The following ATP8B4 variants were observed in gnomAD, a reference collection of about 807,000 sequenced individuals.
ATP8B4 encodes the protein probable phospholipid-transporting ATPase IM.
ATP8B4 carries 133 observed loss-of-function variants against 145.6 expected under a neutral mutation model. That is an observed-to-expected ratio of 0.91 (90% CI 0.79 to 1.05). The LOEUF is 1.05. Among genes scored for constraint, ATP8B4 ranks in the 50% least tolerant of loss-of-function variants. The pLI is 0.00. For missense variants in ATP8B4, 1,458 were observed against 1,425.2 expected (o/e 1.02, Z -0.37); for synonymous variants, 507 against 492.9 (o/e 1.03, Z -0.38).
At chr15:49,988,481 A>C (rs2046809580) in intron 9 of ATP8B4, among the ~76,000 whole-genome samples, 1 of 152,120 alleles carries the variant, frequency 6.6e-6, no homozygotes, top group Non-Finnish European at 1.5e-5. Context: ...GAGAGGGGAG[A>C]TATGAAAAAG....
At position 50,145,651 on chromosome 15, in the gene ATP8B4, C is replaced by T. The variant is rs142079837; in HGVS notation, c.-43+36610G>A. ...ATTAGGCCCCCTACTCTCTTCACCG[C>T]CACTCTCACCATGTCTTTTTTTCTT... On this transcript the variant is annotated intron_variant, in intron 1 of 3. Coordinates refer to the ATP8B4 transcript ENST00000558829. Among the ~76,000 whole-genome samples the T allele has an allele frequency of 5.3e-5, 8 of 152,244 alleles. 1 individual carries two copies. Among genetic ancestry groups the T allele is most frequent in the African/African-American group, 1.9e-4 (8 of 41,526 alleles).
At chr15:49,964,691 G>A (rs8029348) in intron 13 of ATP8B4, among the ~76,000 whole-genome samples, 9,117 of 152,118 alleles carry the variant, frequency 0.06, 940 homozygotes, top group African/African-American at 0.21. Context: ...TGCATTTCAC[G>A]AGAGGAATTA....
chr15:50,078,177 C>T (rs990724052), intron 2 of ATP8B4, among the ~76,000 whole-genome samples: 1 of 151,302 alleles, frequency 6.6e-6, no homozygotes, highest in African/African-American at 2.4e-5. Flanking sequence ...TTTAGAGATG[C>T]TCTTTTTTTT....
At chr15:50,079,291 G>C (rs2153639998) in intron 2 of ATP8B4, among the ~76,000 whole-genome samples, 1 of 152,252 alleles carries the variant, frequency 6.6e-6, no homozygotes, top group East Asian at 1.9e-4. Flanking sequence ...AATGTTTAAA[G>C]TACAGTAGGG....
rs1394117373 is a variant in ATP8B4 at position 49,860,027 on chromosome 15, G to A, written c.*167C>T. ...ACCCTCTGGCCTGGTTTTCCATAGC[G>A]CACACTCCTGTTTGATGGGCACTGG... On this transcript the variant is annotated 3_prime_UTR_variant, in exon 28 of 28. Coordinates refer to ENST00000284509, the MANE Select transcript of ATP8B4 (RefSeq NM_024837.4). 1.9e-5 allele frequency: 15 copies of A among 777,038 alleles called. No individual in the cohort carries two copies. The highest frequency in any genetic ancestry group is 3.0e-5 in the Non-Finnish European group (15 of 497,796). The allele number at this position is 777,038 out of a possible 1,614,324, so 48.1% of individuals were successfully genotyped here.
intron 20 of ATP8B4, among the ~76,000 whole-genome samples, chr15:49,902,610 A>T (rs1160557949): frequency 6.6e-6 from 1 of 152,208 alleles, no homozygotes; most frequent in Non-Finnish European, 1.5e-5. Context: ...ATAAAGTCAG[A>T]GTGCTATGTG....
At chr15:50,139,553 T>C (rs545947749) in intron 1 of ATP8B4, among the ~76,000 whole-genome samples, 2 of 152,078 alleles carry the variant, frequency 1.3e-5, no homozygotes, top group South Asian at 2.1e-4. Flanking sequence ...TGTATACCTA[T>C]GCAACAAACC....
chr15:50,051,186 T>G (rs2052160200), intron 3 of ATP8B4, among the ~76,000 whole-genome samples: 1 of 152,168 alleles, frequency 6.6e-6, no homozygotes, highest in Non-Finnish European at 1.5e-5. Flanking sequence ...GATCTGACCA[T>G]TTTATAAGGG....
At chr15:50,011,896 A>T (rs370537394) in intron 6 of ATP8B4, among the ~76,000 whole-genome samples, 20 of 107,848 alleles carry the variant, frequency 1.9e-4, no homozygotes, top group African/African-American at 6.4e-4. Context: ...ATTGTACTTT[A>T]AAAAAAATAA....
chr15:49,922,560 A>G (rs73396973), intron 17 of ATP8B4, among the ~76,000 whole-genome samples: 2,595 of 152,280 alleles, frequency 0.017, 74 homozygotes, highest in African/African-American at 0.06. Flanking sequence ...GATTCAGGGA[A>G]TGTTTTGCAT....
chr15:49,862,265 A>G lies in ATP8B4; in HGVS notation c.3277T>C (p.Tyr1093His). ...VAFRFLKVDL[Y>H]PTLSDQIRRW... is the part of the protein sequence containing the mutation. The stretch of plus-strand genomic sequence containing the variant: ...CATACCTGATCACTCAGGGTTGGGT[A>G]TAAATCCACCTTCAAAAATCTGAAT... The change falls in exon 27 of 28, where the codon TAC becomes CAC. Residue 1093 changes from tyrosine (Y) to histidine (H), a missense_variant. Tyr to His is a moderately conservative substitution (Grantham distance 83). Transcript: ENST00000284509. 1.2e-6 allele frequency: 2 copies of G among 1,613,610 alleles called. No homozygotes were observed. The highest frequency in any genetic ancestry group is 1.7e-4 in the Middle Eastern group (1 of 6,056).
intron 2 of ATP8B4, among the ~76,000 whole-genome samples, chr15:50,099,274 T>G (rs1357390105): frequency 6.6e-6 from 1 of 152,126 alleles, no homozygotes; most frequent in Non-Finnish European, 1.5e-5. Flanking sequence ...TGTACAATTT[T>G]TTTTCTTTTC....
intron 11 of ATP8B4, 30 bp from the exon 12 acceptor site, chr15:49,979,843 T>A: frequency 1.4e-6 from 2 of 1,442,398 alleles, no homozygotes; most frequent in African/African-American, 1.4e-5. Flanking sequence ...TGGTTAAGGT[T>A]AACTTGAACT....
chr15:49,951,731 C>A (rs2043122873), intron 14 of ATP8B4, among the ~76,000 whole-genome samples: 1 of 152,132 alleles, frequency 6.6e-6, no homozygotes, highest in African/African-American at 2.4e-5. Context: ...TTGATCCTGT[C>A]ATCATGATGC....
intron 13 of ATP8B4, among the ~76,000 whole-genome samples, chr15:49,964,837 T>C (rs772052078): frequency 1.2e-4 from 19 of 152,182 alleles, no homozygotes; most frequent in Admixed American, 2.6e-4. Flanking sequence ...ACATGTCTGA[T>C]AAGTCCTTTA....
At chr15:50,055,490 A>G (rs963228818) in intron 3 of ATP8B4, among the ~76,000 whole-genome samples, 3 of 152,206 alleles carry the variant, frequency 2.0e-5, no homozygotes, top group Non-Finnish European at 4.4e-5. Context: ...GCCTACGTCT[A>G]TGAATCCCAC....
intron 1 of ATP8B4, among the ~76,000 whole-genome samples, chr15:50,146,014 C>CTTTTTTT (rs10624735): frequency 7.5e-6 from 1 of 133,466 alleles, no homozygotes; most frequent in African/African-American, 2.8e-5. Flanking sequence ...TAAATGTTTA[C>CTTTTTTT]TTTTTTTTTT....
rs554198361 is a variant in ATP8B4 at position 50,153,690 on chromosome 15, A to G, written c.-43+28571T>C. Among the ~76,000 whole-genome samples, 175 of 152,312 alleles carry G rather than the reference A, an allele frequency of 1.1e-3. 1 individual carries two copies. The highest frequency in any genetic ancestry group is 4.0e-3 in the African/African-American group (168 of 41,560). ...GAAGGCAATGATGCACGACCTACAA[A>G]TCACGTGCAACAAGATAAAGCAAAA... is the stretch of plus-strand genomic sequence containing the variant. On this transcript the variant is annotated intron_variant, in intron 1 of 3. Transcript: ENST00000558829.
At chr15:50,170,056 A>G (rs867913372) in intron 1 of ATP8B4, among the ~76,000 whole-genome samples, 3 of 152,168 alleles carry the variant, frequency 2.0e-5, no homozygotes, top group Non-Finnish European at 4.4e-5. Flanking sequence ...CCTAAAACTC[A>G]TCAGTGTACC....
Sources: allele counts gnomAD v4.1 joint callset (sites outside exome capture counted in the v4.1 genomes callset), GRCh38; gene constraint gnomAD v4.1.1; transcripts MANE v1.5; gene names NCBI Gene and HGNC (gene_info 2026-07-23, HGNC 2026-07-21).